The following CSMD3 variants were observed in gnomAD, a reference collection of about 807,000 sequenced individuals.
The protein encoded by CSMD3 is CUB and Sushi multiple domains 3, also known as CUB and sushi domain-containing protein 3.
A neutral mutation model predicts 435.2 loss-of-function variants in CSMD3; 177 were observed. The observed-to-expected ratio is 0.41, with a 90% CI of 0.36 to 0.46. The LOEUF is 0.46. CSMD3 is among the 20% of genes least tolerant of loss of function. The pLI is 0.34. For missense variants in CSMD3, 4,265 were observed against 4,504.6 expected (o/e 0.95, Z 1.52); for synonymous variants, 1,656 against 1,520.5 (o/e 1.09, Z -2.07).
At chr8:113,213,813 A>G (rs2132091892) in intron 3 of CSMD3, among the ~76,000 whole-genome samples, 1 of 152,186 alleles carries the variant, frequency 6.6e-6, no homozygotes. Context: ...CCCTTCATGT[A>G]TCCATTTTCA....
chr8:113,417,457 T>G (rs986431137), intron 1 of CSMD3, among the ~76,000 whole-genome samples: 15 of 151,886 alleles, frequency 9.9e-5, no homozygotes, highest in African/African-American at 2.9e-4. Context: ...AAAGATAATT[T>G]TATATAGTAA....
At chr8:113,179,561 A>G (rs2092394692) in intron 3 of CSMD3, among the ~76,000 whole-genome samples, 1 of 151,812 alleles carries the variant, frequency 6.6e-6, no homozygotes, top group Non-Finnish European at 1.5e-5. Flanking sequence ...AGTCCCCTAT[A>G]GGTGTCATTG....
intron 5 of CSMD3, among the ~76,000 whole-genome samples, chr8:113,044,256 T>C (rs2131299727): frequency 6.7e-6 from 1 of 150,284 alleles, no homozygotes; most frequent in African/African-American, 2.4e-5. Context: ...CTATTAAGAG[T>C]AAGAAATATG....
intron 42 of CSMD3, among the ~76,000 whole-genome samples, chr8:112,339,818 T>C (rs1824927917): frequency 1.3e-5 from 2 of 152,202 alleles, no homozygotes; most frequent in African/African-American, 2.4e-5. Flanking sequence ...TTCTTTAAAA[T>C]GCACTAGGTT....
chr8:113,273,408 T>C (rs2093545675), intron 3 of CSMD3, among the ~76,000 whole-genome samples: 2 of 151,984 alleles, frequency 1.3e-5, no homozygotes, highest in Admixed American at 1.3e-4. Flanking sequence ...GATCGGAAAA[T>C]ATTAATTTAA....
intron 5 of CSMD3, among the ~76,000 whole-genome samples, chr8:113,081,697 T>A (rs1381903488): frequency 1.3e-5 from 2 of 151,982 alleles, no homozygotes; most frequent in East Asian, 3.9e-4. Flanking sequence ...TCCCCGCATC[T>A]CAAAAATCCC....
At chr8:113,233,579 G>T (rs2093114492) in intron 3 of CSMD3, among the ~76,000 whole-genome samples, 1 of 150,998 alleles carries the variant, frequency 6.6e-6, no homozygotes, top group Non-Finnish European at 1.5e-5. Context: ...CCACTATATA[G>T]ATAATTAAAT....
rs1331451312 is a variant in CSMD3 at position 113,193,356 on chromosome 8, C to A, written c.515-19440G>T. On this transcript the variant is annotated intron_variant, in intron 3 of 70. Coordinates refer to ENST00000297405, the MANE Select transcript of CSMD3 (RefSeq NM_198123.2). ...CTTAATTGAATTTTCAAGCAATCTT[C>A]CTGCTTTAAGCATGACTTTCACTGC... 2.0e-5 allele frequency among the ~76,000 whole-genome samples: 3 copies of A among 151,382 alleles called. No individual in the cohort carries two copies. The East Asian group carries it at 5.9e-4, about 30-fold the overall frequency.
intron 10 of CSMD3, among the ~76,000 whole-genome samples, chr8:112,902,922 T>A (rs2130454149): frequency 6.6e-6 from 1 of 151,358 alleles, no homozygotes; most frequent in African/African-American, 2.4e-5. Flanking sequence ...ACCCACTTCT[T>A]CTGACCCACA....
chr8:112,646,102 T>C (rs2074972331), intron 19 of CSMD3, among the ~76,000 whole-genome samples: 1 of 152,128 alleles, frequency 6.6e-6, no homozygotes, highest in Admixed American at 6.6e-5. Flanking sequence ...TGAGTTTTGG[T>C]TTTGTCTCTT....
At chr8:112,627,904 C>G (rs189355757) in intron 22 of CSMD3, among the ~76,000 whole-genome samples, 1 of 152,248 alleles carries the variant, frequency 6.6e-6, no homozygotes, top group East Asian at 1.9e-4. Flanking sequence ...TAAGATCCAG[C>G]CTCCACCTTC....
chr8:112,694,820 T>C (rs1247115943), intron 13 of CSMD3, among the ~76,000 whole-genome samples: 1 of 152,090 alleles, frequency 6.6e-6, no homozygotes, highest in Non-Finnish European at 1.5e-5. Flanking sequence ...CTAATATTTA[T>C]AAAAAATAAA....
At chr8:112,234,086 C>T (rs1813340648) in intron 68 of CSMD3, among the ~76,000 whole-genome samples, 1 of 151,578 alleles carries the variant, frequency 6.6e-6, no homozygotes, top group Non-Finnish European at 1.5e-5. Flanking sequence ...GATCAGCACA[C>T]ACACACACAC....
At chr8:113,370,626 T>C (rs2094341445) in intron 1 of CSMD3, among the ~76,000 whole-genome samples, 1 of 151,996 alleles carries the variant, frequency 6.6e-6, no homozygotes, top group Non-Finnish European at 1.5e-5. Context: ...ATTATATGCA[T>C]TCATTTCTCA....
intron 5 of CSMD3, among the ~76,000 whole-genome samples, chr8:113,034,663 A>C (rs563210357): frequency 6.6e-6 from 1 of 152,248 alleles, no homozygotes; most frequent in African/African-American, 2.4e-5. Context: ...CTTACACTAT[A>C]AATGGGCTAA....
chr8:112,223,250 C>G lies in CSMD3; in HGVS notation c.*1521G>C. On this transcript the variant is annotated 3_prime_UTR_variant, in exon 71 of 71. Coordinates refer to ENST00000297405, the MANE Select transcript of CSMD3 (RefSeq NM_198123.2). ...TGTATGAATTTCCAAAACAATGTAT[C>G]TCAAAGTGGTTTACAAGAAATTCAT... The G allele has an allele frequency of 7.8e-6, 3 of 386,526 alleles. No homozygotes were observed. Among genetic ancestry groups the G allele is most frequent in the Non-Finnish European group, 1.4e-5 (3 of 218,020 alleles). 23.9% of individuals were successfully genotyped at this position (386,526 alleles called of 1,614,324 possible). A position where few individuals can be genotyped will look rare whatever the true frequency, so the allele number is the denominator to read the frequency against.
chr8:112,692,105 T>G (rs1456269688), intron 13 of CSMD3, among the ~76,000 whole-genome samples: 2 of 152,064 alleles, frequency 1.3e-5, no homozygotes, highest in Non-Finnish European at 2.9e-5. Flanking sequence ...GCCCGGCAAA[T>G]TCTATTGTTT....
chr8:112,645,009 T>A (rs2074939861), intron 20 of CSMD3, 100 bp downstream of exon 20: 2 of 781,080 alleles, frequency 2.6e-6, no homozygotes, highest in Admixed American at 1.7e-5. Flanking sequence ...ACTGATCTGT[T>A]TTTGCTCATG....
At position 112,223,553 on chromosome 8, in the gene CSMD3, C is replaced by T. The variant is rs192381218; in HGVS notation, c.*1218G>A. 1 of 152,902 alleles carries T rather than the reference C, an allele frequency of 6.5e-6. No homozygotes were observed. The highest frequency in any genetic ancestry group is 1.9e-4 in the East Asian group (1 of 5,188). 9.5% of individuals were successfully genotyped at this position (152,902 alleles called of 1,614,324 possible). ...CTTACAAATACATATCTTAATTTGA[C>T]AATGAAAGAAACCTCTTGTATGTGA... On this transcript the variant is annotated 3_prime_UTR_variant, in exon 71 of 71. Coordinates refer to ENST00000297405, the MANE Select transcript of CSMD3 (RefSeq NM_198123.2).
Sources: gnomAD v4.1 joint callset for allele counts (sites outside exome capture counted in the v4.1 genomes callset) on GRCh38, gnomAD v4.1.1 for gene constraint, MANE v1.5 for transcripts, NCBI Gene and HGNC (gene_info 2026-07-23, HGNC 2026-07-21) for gene names.